SCPEP1: variants seen among roughly 807,000 people sequenced by gnomAD.
SCPEP1 encodes the protein serine carboxypeptidase 1.
A neutral mutation model predicts 63.8 loss-of-function variants in SCPEP1; 51 were observed. The observed-to-expected ratio is 0.80, with a 90% CI of 0.64 to 1.01. The LOEUF is 1.01. Ranked by LOEUF, SCPEP1 falls within the 50% of genes least tolerant of loss-of-function variation. The probability of loss-of-function intolerance (pLI) is 0.00; values close to 1 mark genes in which losing one functional copy is unlikely to be tolerated. For missense variants in SCPEP1, 499 were observed against 554.9 expected (o/e 0.90, Z 1.01); for synonymous variants, 204 against 207.8 (o/e 0.98, Z 0.16).
Position 56,991,108 on chromosome 17 carries a change from CG to C in SCPEP1, c.557del (p.Arg186GlnfsTer53), listed in dbSNP as rs1940170964. The C allele has an allele frequency of 4.3e-6, 7 of 1,613,466 alleles. No individual in the cohort carries two copies. The highest frequency in any genetic ancestry group is 1.3e-5 in the African/African-American group (1 of 74,874). ...IGLELYKAIQ[R>X]GTIKCNFAGV... Reference sequence around the variant, plus strand: ...TTGTTTCCTCTTTCAGGCCATTCAGCGAGGGACCATCAAGTGCAACTTTGCG... The same window carrying C: ...TTGTTTCCTCTTTCAGGCCATTCAGCAGGGACCATCAAGTGCAACTTTGCG... On this transcript the variant is annotated frameshift_variant, in exon 6 of 13. Coordinates refer to ENST00000262288, the MANE Select transcript of SCPEP1 (RefSeq NM_021626.3). LOFTEE classifies it high-confidence loss of function.
At chr17:56,981,848 T>C (rs1191835543) in intron 2 of SCPEP1, among the ~76,000 whole-genome samples, 3 of 152,128 alleles carry the variant, frequency 2.0e-5, no homozygotes, top group Admixed American at 6.6e-5. Context: ...GAAAGTGTTA[T>C]GGAAGGTTCC....
chr17:57,003,139 A>C (rs113184121), intron 12 of SCPEP1, among the ~76,000 whole-genome samples: 9 of 152,052 alleles, frequency 5.9e-5, no homozygotes, highest in African/African-American at 2.2e-4. Flanking sequence ...GGAGTGATTT[A>C]AGGAAAGAGG....
intron 10 of SCPEP1, 122 bp downstream of exon 10, chr17:56,998,620 A>G (rs971927861): frequency 2.8e-6 from 2 of 709,394 alleles, no homozygotes; most frequent in Non-Finnish European, 5.1e-6. Context: ...ATAGGTAAAC[A>G]ATATTACTAT....
At chr17:57,000,239 T>G (rs1024197355) in intron 10 of SCPEP1, among the ~76,000 whole-genome samples, 2 of 152,228 alleles carry the variant, frequency 1.3e-5, no homozygotes, top group Non-Finnish European at 2.9e-5. Context: ...GGGATGTTGC[T>G]TGTCAGATGC....
At chr17:56,996,779 G>C (rs757553232) in intron 8 of SCPEP1, among the ~76,000 whole-genome samples, 183 bp from the exon 9 acceptor site, 1 of 151,670 alleles carries the variant, frequency 6.6e-6, no homozygotes, top group Admixed American at 6.6e-5. Context: ...TCAGCCTCCC[G>C]AAGTGCTGGG....
chr17:56,997,201 C>A (rs1954153167), intron 9 of SCPEP1, 146 bp downstream of exon 9: 2 of 514,452 alleles, frequency 3.9e-6, no homozygotes, highest in African/African-American at 3.8e-5. Flanking sequence ...AGTATATTCC[C>A]AGAGTTGTGC....
chr17:56,978,179 G>A lies in SCPEP1; in HGVS notation c.20G>A (p.Arg7His). The change falls in exon 1 of 13, where the codon CGC becomes CAC. Residue 7 changes from arginine to histidine, a missense_variant. Coordinates refer to ENST00000262288, the MANE Select transcript of SCPEP1 (RefSeq NM_021626.3). Reference sequence around the variant, plus strand: ...CTTGTCATGGAGCTGGCACTGCGGCGCTCTCCCGTCCCGCGGTGGTTGCTG... The same window carrying A: ...CTTGTCATGGAGCTGGCACTGCGGCACTCTCCCGTCCCGCGGTGGTTGCTG... MELALRRSPVPRWLLLL... is the reference protein window; with the variant it reads MELALRHSPVPRWLLLL... 1 of 1,545,404 alleles carries A rather than the reference G, an allele frequency of 6.5e-7. No individual in the cohort carries two copies. The highest frequency in any genetic ancestry group is 1.4e-5 in the African/African-American group (1 of 73,326).
At chr17:56,995,147 T>A (rs187897424) in intron 7 of SCPEP1, 129 bp downstream of exon 7, 5 of 758,894 alleles carry the variant, frequency 6.6e-6, no homozygotes, top group Non-Finnish European at 1.1e-5. Context: ...GGACTAGTCA[T>A]CCACATAGAG....
chr17:56,994,413 A>G (rs1911485298), intron 6 of SCPEP1, among the ~76,000 whole-genome samples: 2 of 152,324 alleles, frequency 1.3e-5, no homozygotes, highest in East Asian at 3.9e-4. Flanking sequence ...ACTCACATTT[A>G]TATCTTAAGC....
At chr17:56,997,169 T>C in intron 9 of SCPEP1, 114 bp downstream of exon 9, 1 of 610,592 alleles carries the variant, frequency 1.6e-6, no homozygotes, top group Non-Finnish European at 2.8e-6. Context: ...ACCATAAAAT[T>C]AACTCACTGT....
At chr17:57,005,426 C>T (rs1470484647) in intron 12 of SCPEP1, among the ~76,000 whole-genome samples, 6 of 152,180 alleles carry the variant, frequency 3.9e-5, no homozygotes, top group Admixed American at 3.9e-4. Context: ...GTCCCCAAAC[C>T]ACTTCCCCTT....
chr17:57,005,820 T>G (rs1346069209), intron 12 of SCPEP1, among the ~76,000 whole-genome samples: 1 of 152,196 alleles, frequency 6.6e-6, no homozygotes, highest in Non-Finnish European at 1.5e-5. Flanking sequence ...ACAGATGCCT[T>G]TAAAATGTTT....
chr17:56,981,030 T>A (rs1207861069), intron 1 of SCPEP1, 52 bp from the exon 2 acceptor site: 2 of 1,603,626 alleles, frequency 1.2e-6, no homozygotes, highest in African/African-American at 2.7e-5. Context: ...GCTTGGAATT[T>A]ACCTGTACAT....
chr17:56,987,912 G>A, intron 4 of SCPEP1, 62 bp downstream of exon 4: 1 of 1,556,824 alleles, frequency 6.4e-7, no homozygotes, highest in Non-Finnish European at 8.7e-7. Flanking sequence ...ACATCCATCA[G>A]CATAAACCTG....
intron 6 of SCPEP1, among the ~76,000 whole-genome samples, chr17:56,994,659 C>T (rs924713770): frequency 6.6e-6 from 1 of 152,204 alleles, no homozygotes; most frequent in Non-Finnish European, 1.5e-5. Flanking sequence ...AGATAAGAGC[C>T]TCCACCTGCA....
In SCPEP1 at chr17:57,006,227, C is replaced by A. The variant is rs750691558; in HGVS notation, c.1351C>A (p.Gln451Lys). Residue 451 changes from glutamine (Q) to lysine (K), a missense_variant, in exon 13 of 13, where the codon CAA becomes AAA. By Grantham distance (53) the Gln-to-Lys change is moderately conservative. Transcript: ENST00000262288. ...GAAGATGATGAGACTGGTGACTCAG[C>A]AAGAATAGGATGGATGGGGCTGGAG... ...ALKMMRLVTQ[Q>K]E is the part of the protein sequence containing the mutation. 59 of 1,611,338 alleles carry A rather than the reference C, an allele frequency of 3.7e-5. No homozygotes were observed. Among genetic ancestry groups the A allele is most frequent in the Non-Finnish European group, 4.9e-5 (58 of 1,178,828 alleles).
chr17:56,979,471 CT>C (rs112868657), intron 1 of SCPEP1, among the ~76,000 whole-genome samples: 46 of 146,226 alleles, frequency 3.1e-4, no homozygotes, highest in African/African-American at 9.3e-4. Context: ...AGCCCCTCTA[CT>C]TTTTTTTTTC....
At chr17:56,988,537 G>T (rs78930999) in intron 5 of SCPEP1, among the ~76,000 whole-genome samples, 1 of 151,988 alleles carries the variant, frequency 6.6e-6, no homozygotes, top group Middle Eastern at 3.2e-3. Flanking sequence ...AGACAAATAG[G>T]TTAATTGCAA....
At chr17:56,985,124 G>GAAAAGAA (rs1555611213) in intron 2 of SCPEP1, 1 of 523,060 alleles carries the variant, frequency 1.9e-6, no homozygotes, top group Non-Finnish European at 3.4e-6. Context: ...GAAAAGAAAA[G>GAAAAGAA]AAAAAATCAG....
Sources: allele counts gnomAD v4.1 joint callset (sites outside exome capture counted in the v4.1 genomes callset), GRCh38; gene constraint gnomAD v4.1.1; transcripts MANE v1.5; gene names NCBI Gene and HGNC (gene_info 2026-07-23, HGNC 2026-07-21).